The following MCF2 variants were observed in gnomAD, a reference collection of about 807,000 sequenced individuals.
MCF2 encodes MCF.2 cell line derived transforming sequence.
A neutral mutation model predicts 82.5 loss-of-function variants in MCF2; 44 were observed. That is an observed-to-expected ratio of 0.53 (90% CI 0.42 to 0.69). The LOEUF is 0.69. Among genes scored for constraint, MCF2 ranks in the 30% least tolerant of loss-of-function variants. The probability of loss-of-function intolerance (pLI) is 0.00; values close to 1 mark genes in which losing one functional copy is unlikely to be tolerated. For missense variants in MCF2, 623 were observed against 663.1 expected (o/e 0.94, Z 0.66); for synonymous variants, 217 against 224.9 (o/e 0.96, Z 0.32).
At chrX:139,636,307 T>C (rs1278500239) in intron 1 of MCF2, among the ~76,000 whole-genome samples, 1 of 111,404 alleles carries the variant, frequency 9.0e-6, no homozygotes, top group South Asian at 3.8e-4. Flanking sequence ...TATATTATTA[T>C]ACTCACCTGC....
chrX:139,637,512 G>T (rs966332724), intron 1 of MCF2, among the ~76,000 whole-genome samples: 18 of 110,618 alleles, frequency 1.6e-4, no homozygotes, highest in Non-Finnish European at 2.3e-4. Context: ...AAAAAAATAC[G>T]TATATTTATG....
chrX:139,613,028 A>G (rs1931617121), intron 10 of MCF2, among the ~76,000 whole-genome samples, 188 bp downstream of exon 14: 1 of 111,869 alleles, frequency 8.9e-6, no homozygotes, highest in Non-Finnish European at 1.9e-5. Context: ...CATTTTATAT[A>G]GTCATTTTCC....
intron 1 of MCF2, among the ~76,000 whole-genome samples, chrX:139,653,526 T>C (rs1164910144): frequency 9.0e-6 from 1 of 110,851 alleles, no homozygotes; most frequent in Non-Finnish European, 1.9e-5. Context: ...CCACTTACTC[T>C]ACAATTTAAG....
chrX:139,605,909 C>T (rs908635830), intron 12 of MCF2, 130 bp from the exon 17 acceptor site: 32 of 415,573 alleles, frequency 7.7e-5, no homozygotes, highest in Non-Finnish European at 1.2e-4. Context: ...TTCGTTTTAG[C>T]ATCAAAATAT....
At chrX:139,607,752 T>C in exon 12 of MCF2, 4 of 1,203,500 alleles carry the variant, frequency 3.3e-6, no homozygotes, top group Non-Finnish European at 4.5e-6. Context: ...GAACTTCTCT[T>C]CTCCTGACAA....
At chrX:139,657,039 G>C (rs2148534682) in intron 1 of MCF2, among the ~76,000 whole-genome samples, 1 of 111,784 alleles carries the variant, frequency 8.9e-6, no homozygotes, top group South Asian at 3.8e-4. Flanking sequence ...AGCTGACTTA[G>C]AAGCCAAATA....
chrX:139,690,925 G>T (rs1351891970), intron 1 of MCF2, among the ~76,000 whole-genome samples: 1 of 111,062 alleles, frequency 9.0e-6, no homozygotes, highest in Non-Finnish European at 1.9e-5. Flanking sequence ...GGCAGCCCCG[G>T]TGCCCCAGTC....
chrX:139,597,405 G>C (rs1188192791), intron 18 of MCF2, 55 bp downstream of exon 22: 19 of 943,563 alleles, frequency 2.0e-5, no homozygotes, highest in East Asian at 3.4e-5. Flanking sequence ...GAGGGGAAAA[G>C]GGATGTTGAG....
At chrX:139,698,097 C>G (rs911996859) in intron 1 of MCF2, among the ~76,000 whole-genome samples, 1 of 111,996 alleles carries the variant, frequency 8.9e-6, no homozygotes, top group African/African-American at 3.2e-5. Context: ...CTGCAGTGAG[C>G]CACGATTGTG....
exon 25 of MCF2, chrX:139,582,069 C>A (rs959267975): frequency 4.9e-5 from 9 of 183,525 alleles, no homozygotes; most frequent in Non-Finnish European, 8.0e-5. Context: ...TCAACAAAAG[C>A]ATATTAAATC....
chrX:139,608,330 T>C (rs1931215185), intron 11 of MCF2, among the ~76,000 whole-genome samples: 1 of 111,315 alleles, frequency 9.0e-6, no homozygotes, highest in African/African-American at 3.3e-5. Flanking sequence ...AGAACTCTAT[T>C]CTTTCTTGAA....
In MCF2 at chrX:139,588,336, T is replaced by G. The variant is rs775475797; in HGVS notation, c.2449+24A>C. ...TAAGCTGTTACTATACTTCTTGTTC[T>G]GAAGAATGCAGGCTTGAATTTACCT... is the stretch of plus-strand genomic sequence containing the variant. On this transcript the variant is annotated intron_variant, in intron 21 of 24. Coordinates refer to ENST00000370576, the Ensembl canonical transcript of MCF2. 48 of 1,157,684 alleles carry G rather than the reference T, an allele frequency of 4.1e-5. No homozygotes were observed. The African/African-American group carries it at 5.4e-4, about 13-fold the overall frequency.
chrX:139,695,376 T>C (rs1296979984), intron 1 of MCF2, among the ~76,000 whole-genome samples: 3 of 112,221 alleles, frequency 2.7e-5, no homozygotes, highest in South Asian at 3.7e-4. Flanking sequence ...GAATTATCTT[T>C]AAAAGTCTAA....
intron 1 of MCF2, among the ~76,000 whole-genome samples, chrX:139,671,676 TC>T (rs1489074134): frequency 9.0e-6 from 1 of 111,665 alleles, no homozygotes; most frequent in Non-Finnish European, 1.9e-5. Flanking sequence ...GGTCTATATA[TC>T]TGTTTTGGTA....
upstream of MCF2, among the ~76,000 whole-genome samples, chrX:139,645,139 G>A (rs1325334158): frequency 9.0e-6 from 1 of 110,925 alleles, no homozygotes; most frequent in Non-Finnish European, 1.9e-5. Flanking sequence ...AATCTAGAAA[G>A]TTGTACACTG....
chrX:139,619,740 T>G (rs1932194314), intron 6 of MCF2, 34 bp from the exon 10 acceptor site: 1 of 1,060,165 alleles, frequency 9.4e-7, no homozygotes, highest in Non-Finnish European at 1.2e-6. Flanking sequence ...TTTAAAAACA[T>G]AAAATTTATC....
At chrX:139,628,773 A>G (rs1932827622) in intron 4 of MCF2, among the ~76,000 whole-genome samples, 1 of 111,928 alleles carries the variant, frequency 8.9e-6, no homozygotes. Context: ...TTATTCTTAA[A>G]CTTTCTGAAG....
At chrX:139,611,503 A>T (rs1233853243) in intron 10 of MCF2, among the ~76,000 whole-genome samples, 2 of 112,227 alleles carry the variant, frequency 1.8e-5, no homozygotes, top group Non-Finnish European at 3.8e-5. Context: ...ATTCTTTGCA[A>T]ATACGTTAAG....
At chrX:139,586,870 C>T (rs1929011541) in intron 22 of MCF2, among the ~76,000 whole-genome samples, 1 of 111,401 alleles carries the variant, frequency 9.0e-6, no homozygotes. Flanking sequence ...ACTATTAAGT[C>T]AATTACTGCA....
Sources: gnomAD v4.1 joint callset for allele counts (sites outside exome capture counted in the v4.1 genomes callset) on GRCh38, gnomAD v4.1.1 for gene constraint, MANE v1.5 for transcripts, NCBI Gene and HGNC (gene_info 2026-07-23, HGNC 2026-07-21) for gene names.